Variants in PHF24 observed in about 807,000 individuals in gnomAD.
The protein encoded by PHF24 is Galpha inhibitory interacting protein.
PHF24 carries 25 observed loss-of-function variants against 42.6 expected under a neutral mutation model. That is an observed-to-expected ratio of 0.59 (90% CI 0.43 to 0.82). The LOEUF (loss-of-function observed/expected upper bound fraction) is 0.82, where lower values mean the gene tolerates loss of function less well. Among genes scored for constraint, PHF24 ranks in the 40% least tolerant of loss-of-function variants. The pLI, the probability that PHF24 is intolerant of heterozygous loss-of-function variation, is 0.00. For missense variants in PHF24, 470 were observed against 538.1 expected (o/e 0.87, Z 1.25); for synonymous variants, 185 against 204.8 (o/e 0.90, Z 0.83).
At chr9:34,916,731 A>AT in the PHF24 span, among the ~76,000 whole-genome samples, 1 of 152,326 alleles carries the variant, frequency 6.6e-6, no homozygotes, top group East Asian at 1.9e-4. Context: ...ATTTTTCTTG[A>AT]TAAGTGTGTG....
the PHF24 span, among the ~76,000 whole-genome samples, chr9:34,921,315 G>A: frequency 6.0e-5 from 9 of 149,412 alleles, no homozygotes; most frequent in South Asian, 2.1e-4. Flanking sequence ...AGTTATTTCC[G>A]TGTTAACTAT....
At chr9:34,893,096 C>CA in the PHF24 span, 1 of 919,484 alleles carries the variant, frequency 1.1e-6, no homozygotes, top group Non-Finnish European at 1.6e-6. Flanking sequence ...GATTTGGCAG[C>CA]AGGGGTCTGC....
At chr9:34,810,553 G>GC in the PHF24 span, among the ~76,000 whole-genome samples, 642 of 152,294 alleles carry the variant, frequency 4.2e-3, 5 homozygotes, top group Non-Finnish European at 5.4e-3. Flanking sequence ...TGATGGTGGA[G>GC]CCCCCAGAGG....
At chr9:34,876,920 A>T in the PHF24 span, among the ~76,000 whole-genome samples, 1 of 152,340 alleles carries the variant, frequency 6.6e-6, no homozygotes, top group Admixed American at 6.5e-5. Flanking sequence ...GGAAACAAAG[A>T]TGAAATGGAT....
chr9:34,820,856 G>A, the PHF24 span, among the ~76,000 whole-genome samples: 12 of 152,190 alleles, frequency 7.9e-5, no homozygotes, highest in Non-Finnish European at 1.5e-4. Flanking sequence ...TATCAGCAGC[G>A]TGTAAGTATT....
the PHF24 span, chr9:34,838,603 A>T: frequency 2.9e-6 from 2 of 680,696 alleles, no homozygotes; most frequent in Non-Finnish European, 4.9e-6. Context: ...CTCACAGAGG[A>T]CGGAACTAGG....
At chr9:34,752,221 A>T in the PHF24 span, among the ~76,000 whole-genome samples, 2 of 152,146 alleles carry the variant, frequency 1.3e-5, no homozygotes, top group African/African-American at 4.8e-5. Flanking sequence ...AGTGAAATTG[A>T]AATGTAAAAA....
chr9:34,794,784 G>A, the PHF24 span, among the ~76,000 whole-genome samples: 3 of 152,038 alleles, frequency 2.0e-5, no homozygotes, highest in Non-Finnish European at 4.4e-5. Context: ...AGACAACACA[G>A]AATATAAAGA....
chr9:34,877,101 C>T, the PHF24 span, among the ~76,000 whole-genome samples: 3 of 151,916 alleles, frequency 2.0e-5, no homozygotes, highest in Admixed American at 6.6e-5. Flanking sequence ...GGCAACATGA[C>T]GAAACCCTGT....
chr9:34,726,704 T>G, the PHF24 span: 3 of 1,551,666 alleles, frequency 1.9e-6, no homozygotes, highest in African/African-American at 2.7e-5. Flanking sequence ...GGTTAAAGAT[T>G]TCTGATCTGT....
the PHF24 span, among the ~76,000 whole-genome samples, chr9:34,866,265 G>A: frequency 6.6e-6 from 1 of 152,158 alleles, no homozygotes; most frequent in East Asian, 1.9e-4. Flanking sequence ...CCAGCACTAA[G>A]GCAAGTTTCA....
At chr9:34,689,826 C>A in the PHF24 span, 1 of 1,614,196 alleles carries the variant, frequency 6.2e-7, no homozygotes. The surrounding 1 kb of genome is among the most constrained non-coding windows in gnomAD (Gnocchi z 4.1). Flanking sequence ...AGGTTAACTG[C>A]TGCGGCGCTT....
At chr9:34,679,663 C>T in the PHF24 span, among the ~76,000 whole-genome samples, 1 of 152,120 alleles carries the variant, frequency 6.6e-6, no homozygotes, top group Non-Finnish European at 1.5e-5. Context: ...TGCAGTGAGC[C>T]GAGATCGCGG....
chr9:34,800,707 TA>T, the PHF24 span, among the ~76,000 whole-genome samples: 4 of 152,008 alleles, frequency 2.6e-5, no homozygotes, highest in Non-Finnish European at 5.9e-5. Context: ...CTCAAAACCA[TA>T]AAAACCCTAG....
At chr9:34,896,709 C>T in the PHF24 span, among the ~76,000 whole-genome samples, 3 of 152,104 alleles carry the variant, frequency 2.0e-5, no homozygotes, top group Admixed American at 6.6e-5. Context: ...CATTTAACCC[C>T]GGGATCTACC....
At chr9:34,788,948 T>A in the PHF24 span, among the ~76,000 whole-genome samples, 1 of 152,276 alleles carries the variant, frequency 6.6e-6, no homozygotes, top group South Asian at 2.1e-4. Flanking sequence ...GGGAAAAATG[T>A]CCTAAGATAT....
chr9:34,957,518 T>G (rs1211152306), upstream of PHF24: 1 of 152,192 alleles, frequency 6.6e-6, no homozygotes, highest in Non-Finnish European at 1.5e-5. Context: ...AGCTAGCTGT[T>G]TGGATATTGT....
the PHF24 span, among the ~76,000 whole-genome samples, chr9:34,942,945 C>G: frequency 9.2e-5 from 14 of 151,934 alleles, no homozygotes; most frequent in East Asian, 1.7e-3. Context: ...TACATGTATA[C>G]CTATGTAATA....
chr9:34,858,381 T>C, the PHF24 span, among the ~76,000 whole-genome samples: 2 of 152,154 alleles, frequency 1.3e-5, no homozygotes, highest in Non-Finnish European at 2.9e-5. Context: ...CTGCTGAGGG[T>C]AGGTCTGGCA....
Sources: allele counts gnomAD v4.1 joint callset (sites outside exome capture counted in the v4.1 genomes callset), GRCh38; gene constraint gnomAD v4.1.1; non-coding constraint Gnocchi (gnomAD v3.1); transcripts MANE v1.5; gene names NCBI Gene and HGNC (gene_info 2026-07-23, HGNC 2026-07-21).